The following PTPRQ variants were observed in gnomAD, a reference collection of about 807,000 sequenced individuals.
PTPRQ encodes protein tyrosine phosphatase receptor type Q, also known as phosphatidylinositol phosphatase PTPRQ.
In PTPRQ, 199 loss-of-function variants were observed where a neutral mutation model predicts 246.0. That is an observed-to-expected ratio of 0.81 (90% CI 0.72 to 0.91). The LOEUF is 0.91. Ranked by LOEUF, PTPRQ falls within the 40% of genes least tolerant of loss-of-function variation. The pLI, the probability that PTPRQ is intolerant of heterozygous loss-of-function variation, is 0.00. For missense variants in PTPRQ, 2,624 were observed against 2,528.4 expected (o/e 1.04, Z -0.81); for synonymous variants, 869 against 853.2 (o/e 1.02, Z -0.32).
intron 25 of PTPRQ, among the ~76,000 whole-genome samples, 154 bp from the exon 26 acceptor site, chr12:80,587,975 G>A (rs1251984581): frequency 6.6e-6 from 1 of 152,060 alleles, no homozygotes; most frequent in Non-Finnish European, 1.5e-5. Flanking sequence ...TCACTCTAAG[G>A]TTCTTCTCAT....
Position 80,496,307 on chromosome 12 carries a change from G to A in PTPRQ, c.2048G>A (p.Arg683Lys), listed in dbSNP as rs1894619093. ...EVIDVTADEI[R>K]LKWSPPEKPN... ...ATTGATGTTACCGCAGATGAAATAA[G>A]GTTGAAGTGGTCACCACCCGAAAAG... is the stretch of plus-strand genomic sequence containing the variant. The change falls in exon 14 of 45, where the codon AGG becomes AAG. Residue 683 changes from arginine (R) to lysine (K), a missense_variant. Transcript: ENST00000644991. 1.9e-6 allele frequency: 3 copies of A among 1,550,542 alleles called. No individual in the cohort carries two copies. Among genetic ancestry groups the A allele is most frequent in the African/African-American group, 2.7e-5 (2 of 72,928 alleles).
chr12:80,519,858 C>A (rs1895416592), intron 17 of PTPRQ, among the ~76,000 whole-genome samples: 2 of 152,202 alleles, frequency 1.3e-5, no homozygotes, highest in African/African-American at 4.8e-5. Flanking sequence ...AGTATCTTGT[C>A]CAATCAAAGC....
At position 80,622,252 on chromosome 12, in the gene PTPRQ, T is replaced by C. The variant is rs1899023284; in HGVS notation, c.5686+118T>C. ...TTAAAATATAAACTCATTTAAATGT[T>C]AATTAGCCTCTCTAGTAATATTTGT... On this transcript the variant is annotated intron_variant, in intron 33 of 44. Coordinates refer to ENST00000644991, the MANE Select transcript of PTPRQ (RefSeq NM_001145026.2). The C allele has an allele frequency of 3.5e-6, 3 of 866,354 alleles. No homozygotes were observed. The African/African-American group carries it at 5.3e-5, about 15-fold the overall frequency. 53.7% of individuals were successfully genotyped at this position (866,354 alleles called of 1,614,324 possible).
chr12:80,460,202 A>G (rs988543352), intron 5 of PTPRQ, among the ~76,000 whole-genome samples: 4 of 152,244 alleles, frequency 2.6e-5, no homozygotes, highest in African/African-American at 7.2e-5. Flanking sequence ...AACTTATGAT[A>G]TAGTTCTAAT....
chr12:80,513,537 C>T (rs1476525337), intron 17 of PTPRQ, among the ~76,000 whole-genome samples: 2 of 152,006 alleles, frequency 1.3e-5, no homozygotes, highest in Non-Finnish European at 2.9e-5. Flanking sequence ...GCGTGGTGGG[C>T]CAGGGTGGTG....
intron 39 of PTPRQ, among the ~76,000 whole-genome samples, chr12:80,664,584 A>G (rs1239569851): frequency 6.6e-6 from 1 of 152,064 alleles, no homozygotes; most frequent in Non-Finnish European, 1.5e-5. Context: ...TCTTGATATT[A>G]TAGGTTTCTC....
chr12:80,594,815 C>T (rs1897915752), intron 26 of PTPRQ, among the ~76,000 whole-genome samples: 1 of 152,136 alleles, frequency 6.6e-6, no homozygotes, highest in Admixed American at 6.6e-5. Flanking sequence ...CAGACTTTTA[C>T]ATTTATCTCT....
intron 43 of PTPRQ, among the ~76,000 whole-genome samples, chr12:80,677,103 A>G (rs767189661): frequency 2.0e-5 from 3 of 152,188 alleles, no homozygotes; most frequent in Non-Finnish European, 4.4e-5. Flanking sequence ...CAAAGTTTAC[A>G]CCTATCATTC....
chr12:80,587,998 T>G, intron 25 of PTPRQ, 131 bp from the exon 26 acceptor site: 1 of 928,084 alleles, frequency 1.1e-6, no homozygotes, highest in East Asian at 2.7e-5. Flanking sequence ...AGTGTGGGGA[T>G]AATTAATCTA....
At chr12:80,498,905 A>G (rs575041644) in intron 14 of PTPRQ, among the ~76,000 whole-genome samples, 27 of 152,182 alleles carry the variant, frequency 1.8e-4, no homozygotes, top group Admixed American at 1.6e-3. Flanking sequence ...TTGAAAATGT[A>G]ATTTTATTTT....
At chr12:80,575,797 C>T (rs1264393527) in intron 25 of PTPRQ, among the ~76,000 whole-genome samples, 3 of 149,026 alleles carry the variant, frequency 2.0e-5, no homozygotes, top group African/African-American at 5.0e-5. Flanking sequence ...CAAGATCATG[C>T]CATTGCACTC....
chr12:80,610,744 CAA>C, intron 28 of PTPRQ, 119 bp downstream of exon 28: 2 of 1,251,796 alleles, frequency 1.6e-6, no homozygotes, highest in Non-Finnish European at 2.1e-6. Context: ...AGCATATAAA[CAA>C]AAAAATTAGT....
In PTPRQ at chr12:80,542,841, T is replaced by G. The variant is rs1178012034; in HGVS notation, c.3833T>G (p.Phe1278Cys). The change falls in exon 23 of 45, where the codon TTT becomes TGT. Residue 1278 changes from phenylalanine (F) to cysteine (C), a missense_variant. Phe to Cys is a radical substitution (Grantham distance 205). Transcript: ENST00000644991. ...GGTGGTATTGTTAAAGTATATAGTT[T>G]TAAAATTCATGAACATGAAACTGAC... ...LPGGIVKVYS[F>C]KIHEHETDTI... 1 of 1,540,672 alleles carries G rather than the reference T, an allele frequency of 6.5e-7. No homozygotes were observed. Among genetic ancestry groups the G allele is most frequent in the Non-Finnish European group, 8.8e-7 (1 of 1,142,494 alleles).
Position 80,556,231 on chromosome 12 carries a change from G to A in PTPRQ, c.4285+6497G>A, listed in dbSNP as rs536079912. ...TTTAGTAGACATGGGGTTTTGCCAT[G>A]TTGGCTAAGATGGTTTCGAACTCCT... On this transcript the variant is annotated intron_variant, in intron 25 of 44. Coordinates refer to ENST00000644991, the MANE Select transcript of PTPRQ (RefSeq NM_001145026.2). Among the ~76,000 whole-genome samples the A allele has an allele frequency of 4.6e-5, 7 of 152,262 alleles. No individual in the cohort carries two copies. The South Asian group carries it at 1.5e-3, about 32-fold the overall frequency.
chr12:80,541,354 CAG>C (rs549726104), intron 20 of PTPRQ, among the ~76,000 whole-genome samples, 199 bp from the exon 21 acceptor site: 42 of 151,856 alleles, frequency 2.8e-4, no homozygotes, highest in Non-Finnish European at 3.1e-4. Context: ...TTAAAGATGA[CAG>C]AGTTTATTTT....
intron 25 of PTPRQ, among the ~76,000 whole-genome samples, 161 bp downstream of exon 25, chr12:80,549,895 C>G (rs1412562881): frequency 6.6e-6 from 1 of 152,044 alleles, no homozygotes; most frequent in Non-Finnish European, 1.5e-5. Context: ...TGAGTACCAG[C>G]TGTGTACTAC....
rs1896165235 is a variant in PTPRQ at position 80,541,879 on chromosome 12, ATTG to A, written c.3445+40_3445+42del. 2.0e-6 allele frequency: 3 copies of A among 1,487,452 alleles called. No homozygotes were observed. In the East Asian group the frequency reaches 7.4e-5, roughly 37 times the overall value. The allele number at this position is 1,487,452 out of a possible 1,614,324, so 92.1% of individuals were successfully genotyped here. On this transcript the variant is annotated intron_variant, in intron 21 of 44. Transcript: ENST00000644991. ...GACCCTTTTATTGTCTGTTAAGCAGATTGTTGTTCTTTTCATTTACATTGCTTT... is the reference window on the plus strand; with the variant it reads ...GACCCTTTTATTGTCTGTTAAGCAGATTGTTCTTTTCATTTACATTGCTTT...
intron 3 of PTPRQ, among the ~76,000 whole-genome samples, chr12:80,451,262 T>C (rs1369425372): frequency 2.1e-5 from 3 of 144,700 alleles, no homozygotes; most frequent in Non-Finnish European, 4.5e-5. Context: ...ATTTGATTCT[T>C]CTCTCTTTTC....
At chr12:80,478,718 A>G (rs1366706258) in intron 8 of PTPRQ, among the ~76,000 whole-genome samples, 1 of 152,204 alleles carries the variant, frequency 6.6e-6, no homozygotes, top group Non-Finnish European at 1.5e-5. Flanking sequence ...CTCGAGAACT[A>G]CGTGAAGAAT....
Sources: gnomAD v4.1 joint callset for allele counts (sites outside exome capture counted in the v4.1 genomes callset) on GRCh38, gnomAD v4.1.1 for gene constraint, MANE v1.5 for transcripts, NCBI Gene and HGNC (gene_info 2026-07-23, HGNC 2026-07-21) for gene names.